The following CCT5 variants were observed in gnomAD, a reference collection of about 807,000 sequenced individuals.
The protein encoded by CCT5 is chaperonin containing TCP1 subunit 5.
A neutral mutation model predicts 55.0 loss-of-function variants in CCT5; 6 were observed. That is an observed-to-expected ratio of 0.11 (90% confidence interval 0.06 to 0.22). The LOEUF (loss-of-function observed/expected upper bound fraction) is 0.22. CCT5 is among the 10% of genes least tolerant of loss of function. The pLI is 1.00. For missense variants in CCT5, 560 were observed against 694.6 expected (o/e 0.81, Z 2.18); for synonymous variants, 231 against 243.7 (o/e 0.95, Z 0.49).
rs1445809489 is a variant in CCT5, at chr5:10,250,455, C to T, written c.105+10C>T. ...ACTTGAGGCCCTCAAGGTAATGGCA[C>T]AGGGACCTGCTCGCGGTGGGCTAAG... On this transcript the variant is annotated intron_variant, in intron 1 of 10. Transcript: ENST00000280326. 6.2e-7 allele frequency: 1 copy of T among 1,612,412 alleles called. No individual in the cohort carries two copies. The highest frequency in any genetic ancestry group is 1.1e-5 in the South Asian group (1 of 90,996).
At position 10,264,911 on chromosome 5, in the gene CCT5, CTGTT is replaced by C; in HGVS notation, c.*131_*134del. 1 of 1,246,564 alleles carries C rather than the reference CTGTT, an allele frequency of 8.0e-7. No homozygotes were observed. Among genetic ancestry groups the C allele is most frequent in the South Asian group, 1.4e-5 (1 of 73,326 alleles). The allele number at this position is 1,246,564 out of a possible 1,614,324, so 77.2% of individuals were successfully genotyped here. A position where few individuals can be genotyped will look rare whatever the true frequency, so the allele number is the denominator to read the frequency against. On this transcript the variant is annotated 3_prime_UTR_variant, in exon 11 of 11. Coordinates refer to ENST00000280326, the MANE Select transcript of CCT5 (RefSeq NM_012073.5). ...ACTGTAGATGCTATAATAAAAATAG[CTGTT>C]TGGTAACCATAGTTTCACTTGTTCA...
chr5:10,251,338 C>G (rs1302216836), intron 1 of CCT5, among the ~76,000 whole-genome samples: 7 of 152,008 alleles, frequency 4.6e-5, no homozygotes, highest in African/African-American at 1.7e-4. Context: ...TTGAGATAGA[C>G]CGAAGGGAAT....
chr5:10,259,248 G>A (rs1745834928), intron 6 of CCT5, among the ~76,000 whole-genome samples: 1 of 152,180 alleles, frequency 6.6e-6, no homozygotes, highest in South Asian at 2.1e-4. Context: ...GCGTAGGTGT[G>A]CTTTCTCTCT....
In CCT5 at chr5:10,266,175, C is replaced by T. The variant is rs1331249155; in HGVS notation, c.*1392C>T. 6.6e-6 allele frequency: 1 copy of T among 152,208 alleles called. No individual in the cohort carries two copies. The highest frequency in any genetic ancestry group is 1.5e-5 in the Non-Finnish European group (1 of 68,042). The allele number at this position is 152,208 out of a possible 1,614,324, so 9.4% of individuals were successfully genotyped here. ...AGGACTGAGTCTAGCCTACAGAGAACATACAGCAGCCTTCTTTGGACCACA... is the reference window on the plus strand; with the variant it reads ...AGGACTGAGTCTAGCCTACAGAGAATATACAGCAGCCTTCTTTGGACCACA... On this transcript the variant is annotated 3_prime_UTR_variant, in exon 11 of 11. Transcript: ENST00000280326.
rs752461300 is a variant in CCT5, at chr5:10,264,706, A to G, written c.1549A>G (p.Ile517Val). 3.7e-6 allele frequency: 6 copies of G among 1,613,934 alleles called. No individual in the cohort carries two copies. In the East Asian group the frequency reaches 1.1e-4, roughly 30 times the overall value. ...IETLIGKKQQ[I>V]SLATQMVRMI... is the part of the protein sequence containing the mutation. The stretch of plus-strand genomic sequence containing the variant: ...AACCTTGATTGGCAAAAAGCAACAG[A>G]TATCTCTTGCAACACAAATGGTTAG... Residue 517 changes from isoleucine (I) to valine (V), a missense_variant, in exon 11 of 11, where the codon ATA becomes GTA. Physicochemically the swap from Ile to Val is conservative, Grantham distance 29. Transcript: ENST00000280326.
Position 10,258,514 on chromosome 5 carries a change from A to G in CCT5, c.852A>G (p.Lys284=). 1 of 1,613,762 alleles carries G rather than the reference A, an allele frequency of 6.2e-7. No homozygotes were observed. Among genetic ancestry groups the G allele is most frequent in the East Asian group, 2.2e-5 (1 of 44,878 alleles). ...YKALQKYEKE[K]FEEMIQQIKE... Reference sequence around the variant, plus strand: ...CCCTTCAGAAATACGAAAAGGAGAAATTTGAAGAGATGATTCAACAAGTAA... The same window carrying G: ...CCCTTCAGAAATACGAAAAGGAGAAGTTTGAAGAGATGATTCAACAAGTAA... Residue 284 remains lysine, a synonymous_variant, in exon 6 of 11, where the codon AAA becomes AAG. Transcript: ENST00000280326.
intron 10 of CCT5, among the ~76,000 whole-genome samples, chr5:10,263,732 G>A (rs192181608): frequency 4.1e-4 from 63 of 152,238 alleles, no homozygotes; most frequent in African/African-American, 1.5e-3. Context: ...TATAACCTCT[G>A]TAGCCACTTG....
intron 6 of CCT5, 121 bp downstream of exon 6, chr5:10,258,656 A>C: frequency 1.1e-6 from 1 of 920,722 alleles, no homozygotes; most frequent in Admixed American, 1.9e-5. Context: ...AAAAAACCAA[A>C]TTGCATAGAA....
chr5:10,256,086 G>C lies in CCT5; in HGVS notation c.463G>C (p.Val155Leu). The change falls in exon 4 of 11, where the codon GTC becomes CTC. Residue 155 changes from valine (V) to leucine (L), a missense_variant. By Grantham distance (32) the Val-to-Leu change is conservative. Around this residue, in one of 4 missense-constraint regions of CCT5, gnomAD observed 52 missense variants for 35.3 expected, o/e 1.47. Coordinates refer to ENST00000280326, the MANE Select transcript of CCT5 (RefSeq NM_012073.5). ...ACACCTGGACAAGATCAGCGATAGC[G>C]TCCTTGTTGACATAAAGGACACCGA... ...IEHLDKISDSVLVDIKDTEPL... is the reference protein window; with the variant it reads ...IEHLDKISDSLLVDIKDTEPL... 6.2e-7 allele frequency: 1 copy of C among 1,614,022 alleles called. No homozygotes were observed. The highest frequency in any genetic ancestry group is 8.5e-7 in the Non-Finnish European group (1 of 1,179,914).
intron 1 of CCT5, 60 bp downstream of exon 1, chr5:10,250,505 T>A: frequency 1.3e-6 from 2 of 1,599,058 alleles, no homozygotes; most frequent in Non-Finnish European, 1.7e-6. Flanking sequence ...GCCGTGGCTC[T>A]GCGCCTGCGC....
chr5:10,250,127 C>G, upstream of CCT5: 1 of 1,534,194 alleles, frequency 6.5e-7, no homozygotes, highest in South Asian at 1.2e-5. Flanking sequence ...TCAAACCTCC[C>G]CCTCCCCGGC....
In CCT5 at chr5:10,250,804, G is replaced by A. The variant is rs901664030; in HGVS notation, c.105+359G>A. 2.6e-6 allele frequency: 3 copies of A among 1,149,282 alleles called. No individual in the cohort carries two copies. The African/African-American group carries it at 5.0e-5, about 19-fold the overall frequency. 71.2% of individuals were successfully genotyped at this position (1,149,282 alleles called of 1,614,324 possible). On this transcript the variant is annotated intron_variant, in intron 1 of 10. Coordinates refer to ENST00000280326, the MANE Select transcript of CCT5 (RefSeq NM_012073.5). Reference sequence around the variant, plus strand: ...TCCAGTGGGAGGGCGCCGGGGAGATGCTCTGTCACCTGTCGGTTAAGGCGC... The same window carrying A: ...TCCAGTGGGAGGGCGCCGGGGAGATACTCTGTCACCTGTCGGTTAAGGCGC...
intron 1 of CCT5, among the ~76,000 whole-genome samples, chr5:10,251,049 G>A (rs1745374461): frequency 6.6e-6 from 1 of 152,234 alleles, no homozygotes; most frequent in South Asian, 2.1e-4. Flanking sequence ...TAAGCGTGGT[G>A]CTGGAGGACA....
intron 4 of CCT5, among the ~76,000 whole-genome samples, chr5:10,257,601 C>T (rs1392748174): frequency 1.3e-5 from 2 of 152,222 alleles, no homozygotes; most frequent in Admixed American, 6.5e-5. Flanking sequence ...AAAAAGGTAA[C>T]ACCCTCCATC....
chr5:10,250,252 C>T (rs752550292), upstream of CCT5: 10 of 1,596,924 alleles, frequency 6.3e-6, no homozygotes, highest in South Asian at 2.2e-5. Flanking sequence ...CGTGCGCAAG[C>T]TTTTGGGCCC....
intron 1 of CCT5, among the ~76,000 whole-genome samples, chr5:10,251,653 T>A (rs1317736637): frequency 2.0e-5 from 3 of 152,138 alleles, no homozygotes; most frequent in African/African-American, 7.2e-5. Context: ...GTGATAGGCC[T>A]CCGTCAAGCT....
At chr5:10,256,253 C>G in intron 4 of CCT5, 100 bp downstream of exon 4, 1 of 975,674 alleles carries the variant, frequency 1.0e-6, no homozygotes, top group Non-Finnish European at 1.6e-6. Context: ...GGATTTGTAT[C>G]GATTTGATTA....
Position 10,258,250 on chromosome 5 carries a change from C to A in CCT5, c.670C>A (p.Leu224Met). ...KVGGRLEDTK[L>M]IKGVIVDKDF... The stretch of plus-strand genomic sequence containing the variant: ...GGGCGGCAGGCTGGAGGACACTAAA[C>A]TGATTAAGGGCGTGATTGTGGACAA... Residue 224 changes from leucine (L) to methionine (M), a missense_variant, in exon 5 of 11, where the codon CTG (leucine) becomes ATG (methionine). Physicochemically the swap from Leu to Met is conservative, Grantham distance 15. This residue lies in a region of CCT5 where 256 missense variants were observed against 372.4 expected (regional missense o/e 0.69). Coordinates refer to ENST00000280326, the MANE Select transcript of CCT5 (RefSeq NM_012073.5). The A allele has an allele frequency of 6.2e-7, 1 of 1,614,226 alleles. No individual in the cohort carries two copies. Among genetic ancestry groups the A allele is most frequent in the Non-Finnish European group, 8.5e-7 (1 of 1,180,048 alleles).
rs756113213 is a variant in CCT5, at chr5:10,256,028, TGGCTATGA to T, written c.407_414del (p.Gly136AlafsTer8). On this transcript the variant is annotated frameshift_variant, in exon 4 of 11. Transcript: ENST00000280326. LOFTEE classifies it high-confidence loss of function. Reference sequence around the variant, plus strand: ...GCATTCACCCAATCAGAATAGCCGATGGCTATGAGCAGGCTGCTCGTGTTGCTATTGAA... The same window carrying T: ...GCATTCACCCAATCAGAATAGCCGATGCAGGCTGCTCGTGTTGCTATTGAA... 6.2e-7 allele frequency: 1 copy of T among 1,613,832 alleles called. No homozygotes were observed. The highest frequency in any genetic ancestry group is 8.5e-7 in the Non-Finnish European group (1 of 1,179,674).
Sources: gnomAD v4.1 joint callset for allele counts (sites outside exome capture counted in the v4.1 genomes callset) on GRCh38, gnomAD v4.1.1 for gene constraint, gnomAD v4.1.1 regional missense constraint, MANE v1.5 for transcripts, NCBI Gene and HGNC (gene_info 2026-07-23, HGNC 2026-07-21) for gene names.